NMNAT2: variants seen among roughly 807,000 people sequenced by gnomAD.
NMNAT2 encodes the protein nicotinamide/nicotinic acid mononucleotide adenylyltransferase 2.
Under a neutral mutation model 41.6 loss-of-function variants are expected in NMNAT2, and 11 were observed. That is an observed-to-expected ratio of 0.26 (90% CI 0.17 to 0.44). The LOEUF is 0.44. Among genes scored for constraint, NMNAT2 ranks in the 20% least tolerant of loss-of-function variants. The pLI, the probability that NMNAT2 is intolerant of heterozygous loss-of-function variation, is 1.00. For synonymous variants in NMNAT2, 148 were observed against 151.2 expected (o/e 0.98, Z 0.16); for missense variants, 288 against 407.7 (o/e 0.71, Z 2.53).
intron 1 of NMNAT2, among the ~76,000 whole-genome samples, chr1:183,322,266 G>T (rs1478274312): frequency 6.6e-6 from 1 of 152,176 alleles, no homozygotes; most frequent in East Asian, 1.9e-4. Flanking sequence ...ATTCACAAGG[G>T]TTGCAAATGT....
At position 183,270,686 on chromosome 1, in the gene NMNAT2, T is replaced by G. The variant is rs188733371; in HGVS notation, c.651+7867A>C. 8.4e-4 allele frequency among the ~76,000 whole-genome samples: 128 copies of G among 152,264 alleles called. No individual in the cohort carries two copies. In the Middle Eastern group the frequency reaches 0.027, roughly 32 times the overall value. On this transcript the variant is annotated intron_variant, in intron 8 of 10. Coordinates refer to ENST00000287713, the MANE Select transcript of NMNAT2 (RefSeq NM_015039.4). Reference sequence around the variant, plus strand: ...AACCAAACCAACAGTGCCTTTCACATGAGAACAGCCAGAATCCCCCATTGG... The same window carrying G: ...AACCAAACCAACAGTGCCTTTCACAGGAGAACAGCCAGAATCCCCCATTGG...
intron 4 of NMNAT2, 89 bp from the exon 5 acceptor site, chr1:183,286,877 T>A: frequency 1.1e-5 from 16 of 1,410,256 alleles, no homozygotes; most frequent in Non-Finnish European, 1.5e-5. Flanking sequence ...TTGTCCATCA[T>A]GGAGAGGCCA....
chr1:183,369,779 A>C (rs562751378), intron 1 of NMNAT2, among the ~76,000 whole-genome samples: 55 of 152,038 alleles, frequency 3.6e-4, no homozygotes, highest in Non-Finnish European at 5.9e-4. Flanking sequence ...TTAACTCCTC[A>C]TTAAACACTA....
intron 1 of NMNAT2, among the ~76,000 whole-genome samples, chr1:183,408,431 T>A (rs1247446642): frequency 6.6e-6 from 1 of 152,184 alleles, no homozygotes; most frequent in East Asian, 1.9e-4. Flanking sequence ...TTCAACCATT[T>A]AAAAATGTAA....
chr1:183,383,350 T>A (rs898177822), intron 1 of NMNAT2, among the ~76,000 whole-genome samples: 1 of 152,228 alleles, frequency 6.6e-6, no homozygotes, highest in Non-Finnish European at 1.5e-5. Context: ...GTCTCTGGAA[T>A]GCCTTCAAGA....
intron 1 of NMNAT2, among the ~76,000 whole-genome samples, chr1:183,302,742 C>G (rs935820929): frequency 2.0e-5 from 3 of 152,176 alleles, no homozygotes. Flanking sequence ...TTTATTTAAA[C>G]TAGGCAAAGG....
At chr1:183,356,871 C>T (rs1205164946) in intron 1 of NMNAT2, among the ~76,000 whole-genome samples, 1 of 152,174 alleles carries the variant, frequency 6.6e-6, no homozygotes, top group East Asian at 1.9e-4. Context: ...ATCAGGTCTA[C>T]CGTTAGAATT....
chr1:183,375,386 C>T (rs985197957), intron 1 of NMNAT2, among the ~76,000 whole-genome samples: 1 of 152,208 alleles, frequency 6.6e-6, no homozygotes, highest in South Asian at 2.1e-4. Flanking sequence ...ACTCCACACC[C>T]TACTCCCCAC....
intron 6 of NMNAT2, 126 bp downstream of exon 6, chr1:183,284,584 C>A: frequency 2.5e-6 from 2 of 806,102 alleles, no homozygotes; most frequent in Admixed American, 1.8e-5. Context: ...TGCACAAGTA[C>A]GCACACACAC....
At chr1:183,377,228 A>G (rs529391343) in intron 1 of NMNAT2, among the ~76,000 whole-genome samples, 2 of 152,230 alleles carry the variant, frequency 1.3e-5, no homozygotes, top group Non-Finnish European at 2.9e-5. Flanking sequence ...AGAACACCTG[A>G]GAGAGCCACA....
At chr1:183,375,855 A>C (rs1283768561) in intron 1 of NMNAT2, among the ~76,000 whole-genome samples, 3 of 152,224 alleles carry the variant, frequency 2.0e-5, no homozygotes, top group Admixed American at 6.5e-5. Context: ...CTGTGTGTTC[A>C]TAATTAGGTT....
chr1:183,371,031 C>G lies in NMNAT2; in HGVS notation c.85+47152G>C, dbSNP rs545891915. On this transcript the variant is annotated intron_variant, in intron 1 of 10. Coordinates refer to ENST00000287713, the MANE Select transcript of NMNAT2 (RefSeq NM_015039.4). ...TACTTAGGAAAAGCAAACAAATGAC[C>G]TGGACAAATATTTCAGAATGGATTC... Among the ~76,000 whole-genome samples the G allele has an allele frequency of 7.2e-5, 11 of 152,218 alleles. No individual in the cohort carries two copies. In the South Asian group the frequency reaches 2.3e-3, roughly 32 times the overall value.
At chr1:183,344,398 G>A (rs927557359) in intron 1 of NMNAT2, among the ~76,000 whole-genome samples, 1 of 152,144 alleles carries the variant, frequency 6.6e-6, no homozygotes, top group African/African-American at 2.4e-5. Flanking sequence ...GCTTCCCGCT[G>A]TTCTACCGGC....
intron 1 of NMNAT2, among the ~76,000 whole-genome samples, chr1:183,346,960 C>CT (rs1460910643): frequency 1.3e-5 from 2 of 152,176 alleles, no homozygotes; most frequent in Non-Finnish European, 1.5e-5. Flanking sequence ...ACCCACCCTA[C>CT]TCTTCAAGAC....
At chr1:183,320,893 GAAGA>G (rs1662344123) in intron 1 of NMNAT2, among the ~76,000 whole-genome samples, 2 of 152,244 alleles carry the variant, frequency 1.3e-5, no homozygotes, top group African/African-American at 4.8e-5. Flanking sequence ...GAACAGAAGA[GAAGA>G]AAGAGAGAGA....
chr1:183,329,328 G>C (rs10797873), intron 1 of NMNAT2, among the ~76,000 whole-genome samples: 68,163 of 152,056 alleles, frequency 0.45, 16,289 homozygotes, highest in East Asian at 0.78. Context: ...CAGCATGAAA[G>C]TCATATATCT....
intron 10 of NMNAT2, among the ~76,000 whole-genome samples, chr1:183,254,369 G>C (rs996787411): frequency 2.0e-5 from 3 of 152,078 alleles, no homozygotes; most frequent in Admixed American, 6.5e-5. Context: ...GCACCTGTTA[G>C]CAATTTTTAT....
At chr1:183,259,166 AC>A (rs965849143) in intron 10 of NMNAT2, among the ~76,000 whole-genome samples, 1 of 151,602 alleles carries the variant, frequency 6.6e-6, no homozygotes, top group African/African-American at 2.4e-5. Flanking sequence ...TCCTAAGCCC[AC>A]CCCCCATATA....
chr1:183,362,042 G>T (rs187193981), intron 1 of NMNAT2, among the ~76,000 whole-genome samples: 1 of 152,122 alleles, frequency 6.6e-6, no homozygotes, highest in Non-Finnish European at 1.5e-5. Flanking sequence ...AGGTTCAAGC[G>T]ATTCTCCTGC....
Sources: gnomAD v4.1 joint callset for allele counts (sites outside exome capture counted in the v4.1 genomes callset) on GRCh38, gnomAD v4.1.1 for gene constraint, MANE v1.5 for transcripts, NCBI Gene and HGNC (gene_info 2026-07-23, HGNC 2026-07-21) for gene names.